The following TRIM50 variants were observed in gnomAD, a reference collection of about 807,000 sequenced individuals.
TRIM50 encodes E3 ubiquitin-protein ligase TRIM50.
A neutral mutation model predicts 44.9 loss-of-function variants in TRIM50; 34 were observed. That is an observed-to-expected ratio of 0.76 (90% CI 0.58 to 1.01). The LOEUF is 1.01. Ranked by LOEUF, TRIM50 falls within the 50% of genes least tolerant of loss-of-function variation. The pLI is 0.00. For synonymous variants in TRIM50, 307 were observed against 291.1 expected, an observed-to-expected ratio of 1.05 and a Z score of -0.56; for missense variants, 633 against 663.7, an observed-to-expected ratio of 0.95 and a Z score of 0.51.
rs1554544855 is a variant in TRIM50 at position 73,320,259 on chromosome 7, A to G, written c.400-17T>C. 4 of 1,614,006 alleles carry G rather than the reference A, an allele frequency of 2.5e-6. No individual in the cohort carries two copies. The highest frequency in any genetic ancestry group is 1.7e-6 in the Non-Finnish European group (2 of 1,179,866). On this transcript the variant is annotated splice_polypyrimidine_tract_variant and intron_variant, in intron 2 of 6. Coordinates refer to ENST00000333149, the MANE Select transcript of TRIM50 (RefSeq NM_178125.3). ...GAGCTCCTCCTGGAGGCAACAGGCCATGGCCCCATGAGCAGCTGATCCCTC... is the reference window on the plus strand; with the variant it reads ...GAGCTCCTCCTGGAGGCAACAGGCCGTGGCCCCATGAGCAGCTGATCCCTC...
chr7:73,321,601 C>G (rs183231699), intron 2 of TRIM50, among the ~76,000 whole-genome samples: 1,592 of 152,260 alleles, frequency 0.01, 14 homozygotes, highest in Middle Eastern at 0.027. Context: ...CCTGACCTAG[C>G]CTTGGGGGTG....
intron 5 of TRIM50, among the ~76,000 whole-genome samples, chr7:73,317,898 G>A (rs1804397923): frequency 6.6e-6 from 1 of 152,168 alleles, no homozygotes; most frequent in Admixed American, 6.5e-5. Flanking sequence ...GATGCCCGGT[G>A]CTCCTGGATG....
At position 73,312,758 on chromosome 7, in the gene TRIM50, G is replaced by T. The variant is rs1392764886; in HGVS notation, c.*163C>A. On this transcript the variant is annotated 3_prime_UTR_variant, in exon 7 of 7. Transcript: ENST00000333149. ...ATACACCCTTGGCTGAGGGGAAAGG[G>T]ACTGGGGTCCTGTTCCCTATCATTA... The T allele has an allele frequency of 9.7e-6, 6 of 620,326 alleles. No homozygotes were observed. The Admixed American group carries it at 1.9e-4, about 20-fold the overall frequency. The allele number at this position is 620,326 out of a possible 1,614,324, so 38.4% of individuals were successfully genotyped here.
chr7:73,320,326 A>G lies in TRIM50; in HGVS notation c.400-84T>C. On this transcript the variant is annotated intron_variant, in intron 2 of 6. Coordinates refer to ENST00000333149, the MANE Select transcript of TRIM50 (RefSeq NM_178125.3). The stretch of plus-strand genomic sequence containing the variant: ...GGATCACCTTCTTGGGAGTATCCCA[A>G]TGGCCACAAGCACTCCCAGGGAAAC... The G allele has an allele frequency of 3.1e-6, 5 of 1,602,012 alleles. No homozygotes were observed. In the South Asian group the frequency reaches 3.3e-5, roughly 11 times the overall value.
At chr7:73,320,845 A>T (rs1195889619) in intron 2 of TRIM50, among the ~76,000 whole-genome samples, 1 of 147,724 alleles carries the variant, frequency 6.8e-6, no homozygotes, top group Non-Finnish European at 1.5e-5. Flanking sequence ...CTCAACATGG[A>T]GAAACCCTGT....
chr7:73,323,295 G>A (rs545425732), intron 2 of TRIM50, among the ~76,000 whole-genome samples: 41 of 152,140 alleles, frequency 2.7e-4, no homozygotes, highest in African/African-American at 9.4e-4. Flanking sequence ...AGCTTACCTC[G>A]CTGGCCCTAT....
intron 2 of TRIM50, among the ~76,000 whole-genome samples, chr7:73,322,387 A>G (rs1178458650): frequency 6.6e-6 from 1 of 152,144 alleles, no homozygotes; most frequent in South Asian, 2.1e-4. Context: ...AATCTAAAAC[A>G]GGGACCCAAG....
intron 1 of TRIM50, among the ~76,000 whole-genome samples, chr7:73,327,480 GTCAATCAA>G (rs563606509): frequency 6.6e-6 from 1 of 152,020 alleles, no homozygotes; most frequent in Non-Finnish European, 1.5e-5. Context: ...ACGAGCCTCT[GTCAATCAA>G]TCAATCAATC....
chr7:73,314,455 G>A (rs1804311898), intron 6 of TRIM50: 1 of 417,228 alleles, frequency 2.4e-6, no homozygotes, highest in South Asian at 2.0e-5. Flanking sequence ...TGTTGGCCCT[G>A]ACTGAGAAGA....
chr7:73,318,883 A>G lies in TRIM50; in HGVS notation c.665T>C (p.Leu222Pro), dbSNP rs1554544556. 1 of 1,613,960 alleles carries G rather than the reference A, an allele frequency of 6.2e-7. No homozygotes were observed. The highest frequency in any genetic ancestry group is 1.7e-5 in the Admixed American group (1 of 60,006). The change falls in exon 4 of 7, where the codon CTG becomes CCG. Residue 222 changes from leucine (L) to proline (P), a missense_variant. Coordinates refer to ENST00000333149, the MANE Select transcript of TRIM50 (RefSeq NM_178125.3). ...LEQAQGTRER[L>P]AQAECVLEQF... ...TTCCAGCACACACTCGGCTTGGGCC[A>G]GCCGCTCCCGGGTTCCCTGGGCCTG...
In TRIM50 at chr7:73,318,983, C is replaced by T; in HGVS notation, c.565G>A (p.Glu189Lys). Residue 189 changes from glutamate (E) to lysine (K), a missense_variant, in exon 4 of 7, where the codon GAG becomes AAG. By Grantham distance (56) the Glu-to-Lys change is moderately conservative (BLOSUM62 1). Transcript: ENST00000333149. Reference sequence around the variant, plus strand: ...ATCCCCTCCAGGCAGCGGGCCTTCTCCTCATCCACCAGGTGGTGCAGCTCC... The same window carrying T: ...ATCCCCTCCAGGCAGCGGGCCTTCTTCTCATCCACCAGGTGGTGCAGCTCC... ...FQELHHLVDE[E>K]KARCLEGIGG... 1 of 1,614,042 alleles carries T rather than the reference C, an allele frequency of 6.2e-7. No homozygotes were observed.
At chr7:73,316,067 G>C (rs556012293) in intron 6 of TRIM50, among the ~76,000 whole-genome samples, 3 of 151,958 alleles carry the variant, frequency 2.0e-5, no homozygotes, top group Non-Finnish European at 4.4e-5. Flanking sequence ...TATTAGTAGA[G>C]ACGGGGTTTC....
At position 73,319,036 on chromosome 7, in the gene TRIM50, A is replaced by C. The variant is rs781859628; in HGVS notation, c.512T>G (p.Phe171Cys). The C allele has an allele frequency of 1.2e-6, 2 of 1,613,824 alleles. No homozygotes were observed. The highest frequency in any genetic ancestry group is 3.3e-5 in the Admixed American group (2 of 59,990). ...GAACTCGCGGCGGATCACCCAGCTG[A>C]AGACATCCGACTCATTCTGGGACAG... Reference protein sequence around the residue: ...RTRIVNESDVFSWVIRREFQE... With the variant: ...RTRIVNESDVCSWVIRREFQE... The change falls in exon 4 of 7, where the codon TTC (phenylalanine) becomes TGC (cysteine). Residue 171 changes from phenylalanine to cysteine, a missense_variant. Transcript: ENST00000333149.
Position 73,320,198 on chromosome 7 carries a change from T to C in TRIM50, c.444A>G (p.Lys148=), listed in dbSNP as rs3108461. ...ALISELKQEQ[K]KVDELIAKLV... is the part of the protein sequence containing the mutation. ...GTTTGGCGATGAGCTCATCCACCTT[T>C]TTCTGCTCCTGCTTCAGCTCAGAGA... Residue 148 remains lysine, a synonymous_variant, in exon 3 of 7, where the codon AAA becomes AAG. Coordinates refer to ENST00000333149, the MANE Select transcript of TRIM50 (RefSeq NM_178125.3). The C allele has an allele frequency of 3.5e-5, 56 of 1,613,808 alleles. No homozygotes were observed. The highest frequency in any genetic ancestry group is 1.1e-4 in the African/African-American group (8 of 74,918).
rs558745267 is a variant in TRIM50, at chr7:73,324,299, G to T, written c.399+90C>A. ...GCTGCAGGGAAATCGAGGATAGCTGGATCCTTTTGGTGCCAGGTGATGGCA... is the reference window on the plus strand; with the variant it reads ...GCTGCAGGGAAATCGAGGATAGCTGTATCCTTTTGGTGCCAGGTGATGGCA... On this transcript the variant is annotated intron_variant, in intron 2 of 6. Transcript: ENST00000333149. 1.3e-5 allele frequency: 21 copies of T among 1,598,892 alleles called. No homozygotes were observed. The African/African-American group carries it at 2.7e-4, about 20-fold the overall frequency.
Position 73,312,601 on chromosome 7 carries a change from T to C in TRIM50, c.*320A>G, listed in dbSNP as rs1586470722. On this transcript the variant is annotated 3_prime_UTR_variant, in exon 7 of 7. Coordinates refer to ENST00000333149, the MANE Select transcript of TRIM50 (RefSeq NM_178125.3). ...TAGTAGTTGAAAGTTCACAGTAATA[T>C]GGAAAAGGTATACATGGGACTATTT... is the stretch of plus-strand genomic sequence containing the variant. The C allele has an allele frequency of 3.0e-6, 1 of 330,248 alleles. No homozygotes were observed. The highest frequency in any genetic ancestry group is 5.5e-6 in the Non-Finnish European group (1 of 182,972). The allele number at this position is 330,248 out of a possible 1,614,324, so 20.5% of individuals were successfully genotyped here. A position where few individuals can be genotyped will look rare whatever the true frequency, so the allele number is the denominator to read the frequency against.
chr7:73,314,279 T>A (rs1455302948), intron 6 of TRIM50: 6 of 329,052 alleles, frequency 1.8e-5, no homozygotes, highest in Non-Finnish European at 3.5e-5. Context: ...GCAATGGTCC[T>A]GCTCGGTCAG....
At chr7:73,314,090 C>A in intron 6 of TRIM50, 1 of 328,696 alleles carries the variant, frequency 3.0e-6, no homozygotes, top group South Asian at 3.3e-5. Context: ...GCCTCCCACC[C>A]CTTCCCGCCA....
At position 73,313,917 on chromosome 7, in the gene TRIM50, T is replaced by C. The variant is rs1246573509; in HGVS notation, c.875-407A>G. ...GGAAGACACCTGTCCTGTGAGCCTATAGCTCAGCCCTCAGGGATTTCTGGA... is the reference window on the plus strand; with the variant it reads ...GGAAGACACCTGTCCTGTGAGCCTACAGCTCAGCCCTCAGGGATTTCTGGA... On this transcript the variant is annotated intron_variant, in intron 6 of 6. Transcript: ENST00000333149. This position sits in a 1 kb window ranked among gnomAD's most constrained non-coding sequence, Gnocchi z 4.9. Among the ~76,000 whole-genome samples, 6 of 152,244 alleles carry C rather than the reference T, an allele frequency of 3.9e-5. No individual in the cohort carries two copies. The highest frequency in any genetic ancestry group is 1.2e-4 in the African/African-American group (5 of 41,556).
Sources: allele counts gnomAD v4.1 joint callset (sites outside exome capture counted in the v4.1 genomes callset), GRCh38; gene constraint gnomAD v4.1.1; non-coding constraint Gnocchi (gnomAD v3.1); transcripts MANE v1.5; gene names NCBI Gene and HGNC (gene_info 2026-07-23, HGNC 2026-07-21).